CLYBL: variants seen among roughly 807,000 people sequenced by gnomAD.
The protein encoded by CLYBL is citramalyl-CoA lyase.
Under a neutral mutation model 38.9 loss-of-function variants are expected in CLYBL, and 31 were observed. The ratio of observed to expected loss-of-function variants is 0.80; its 90% CI spans 0.60 to 1.08. CLYBL has a LOEUF of 1.08. Ranked by LOEUF, CLYBL falls within the 50% of genes least tolerant of loss-of-function variation. CLYBL has a pLI of 0.00. For missense variants in CLYBL, 434 were observed against 411.6 expected, an observed-to-expected ratio of 1.05 and a Z score of -0.47; for synonymous variants, 171 against 158.6, an observed-to-expected ratio of 1.08 and a Z score of -0.59.
chr13:99,754,416 C>CAA (rs1172376194), intron 1 of CLYBL, among the ~76,000 whole-genome samples: 44 of 71,712 alleles, frequency 6.1e-4, no homozygotes, highest in East Asian at 7.9e-4. Flanking sequence ...GACCCTGTCT[C>CAA]AAAAAAAAAA....
At chr13:99,611,143 A>G (rs1054378451) in intron 1 of CLYBL, among the ~76,000 whole-genome samples, 2 of 152,190 alleles carry the variant, frequency 1.3e-5, no homozygotes, top group Non-Finnish European at 2.9e-5. Context: ...AGGGTAAACT[A>G]AACCCCCACG....
chr13:99,613,257 G>GA (rs1487784519), intron 1 of CLYBL, among the ~76,000 whole-genome samples: 1 of 152,126 alleles, frequency 6.6e-6, no homozygotes, highest in Non-Finnish European at 1.5e-5. Flanking sequence ...AATGTGCCAG[G>GA]AAGGTACTTC....
intron 2 of CLYBL, among the ~76,000 whole-genome samples, chr13:99,783,291 C>G (rs1239602995): frequency 6.6e-6 from 1 of 152,040 alleles, no homozygotes; most frequent in Non-Finnish European, 1.5e-5. Flanking sequence ...GATCCACTTG[C>G]CTCGGCCTCC....
At chr13:99,821,090 T>C (rs1026841073) in intron 2 of CLYBL, among the ~76,000 whole-genome samples, 1 of 152,248 alleles carries the variant, frequency 6.6e-6, no homozygotes, top group East Asian at 1.9e-4. Flanking sequence ...TAGAAACTGC[T>C]TGGTGGAAGC....
chr13:99,782,440 G>C (rs1331689441), intron 2 of CLYBL, among the ~76,000 whole-genome samples: 1 of 152,124 alleles, frequency 6.6e-6, no homozygotes, highest in Non-Finnish European at 1.5e-5. Context: ...CAGAGGTGGA[G>C]GTTGCTGCGA....
At chr13:99,690,383 GTA>G (rs2047882332) in intron 1 of CLYBL, 2 of 152,148 alleles carry the variant, frequency 1.3e-5, no homozygotes, top group Admixed American at 1.3e-4. Context: ...AGATTTTGGT[GTA>G]TGTTTTTCCT....
rs544029575 is a variant in CLYBL at position 99,903,712 on chromosome 13, G to A, written c.*25-1558G>A. Among the ~76,000 whole-genome samples the A allele has an allele frequency of 1.5e-3, 221 of 152,260 alleles. 1 individual carries two copies. The highest frequency in any genetic ancestry group is 2.8e-3 in the Non-Finnish European group (188 of 68,014). ...AAATACTCCGTGAGGTTCGCGTCCCGTATGAAGCAAGTTTAATTTGTGGAC... is the reference window on the plus strand; with the variant it reads ...AAATACTCCGTGAGGTTCGCGTCCCATATGAAGCAAGTTTAATTTGTGGAC... On this transcript the variant is annotated intron_variant and NMD_transcript_variant, in intron 8 of 9. Transcript: ENST00000689673.
chr13:99,756,039 A>T (rs147737906), intron 1 of CLYBL, among the ~76,000 whole-genome samples: 1 of 152,208 alleles, frequency 6.6e-6, no homozygotes, highest in African/African-American at 2.4e-5. Flanking sequence ...CACGTTTATT[A>T]TCTCACTGTG....
chr13:99,680,584 C>G (rs2047720718), intron 1 of CLYBL, among the ~76,000 whole-genome samples: 1 of 152,218 alleles, frequency 6.6e-6, no homozygotes, highest in Non-Finnish European at 1.5e-5. Context: ...TTTGTCATCA[C>G]TAGTCGAAAA....
At chr13:99,814,369 A>T (rs1255124667) in intron 2 of CLYBL, among the ~76,000 whole-genome samples, 1 of 152,188 alleles carries the variant, frequency 6.6e-6, no homozygotes, top group African/African-American at 2.4e-5. Flanking sequence ...AGGGCATGGG[A>T]ACTTAACCTC....
intron 1 of CLYBL, among the ~76,000 whole-genome samples, chr13:99,648,971 A>G (rs1181861518): frequency 1.3e-5 from 2 of 152,050 alleles, no homozygotes; most frequent in East Asian, 3.8e-4. Flanking sequence ...AAAAAACTTA[A>G]TAATTACAGG....
At position 99,860,058 on chromosome 13, in the gene CLYBL, G is replaced by A. The variant is rs563444532; in HGVS notation, c.438+1009G>A. On this transcript the variant is annotated intron_variant, in intron 3 of 8. Coordinates refer to ENST00000339105, the MANE Select transcript of CLYBL (RefSeq NM_206808.5). ...AATGCACCCGATGTGTGAGGTCTGC[G>A]TTGCCCAGTGCCACGGCCACTATGA... 1.8e-4 allele frequency among the ~76,000 whole-genome samples: 28 copies of A among 152,224 alleles called. 1 individual carries two copies. The South Asian group carries it at 3.5e-3, about 19-fold the overall frequency.
intron 1 of CLYBL, among the ~76,000 whole-genome samples, chr13:99,758,750 C>T (rs1047546759): frequency 3.9e-5 from 6 of 152,346 alleles, no homozygotes; most frequent in East Asian, 1.9e-4. Flanking sequence ...CCTCCTTATA[C>T]GTTTCTTCTT....
intron 2 of CLYBL, among the ~76,000 whole-genome samples, chr13:99,840,512 C>T (rs2051045285): frequency 6.6e-6 from 1 of 151,908 alleles, no homozygotes; most frequent in Admixed American, 6.6e-5. Context: ...AATCCCAGCA[C>T]TTTGGGAGGT....
At chr13:99,777,480 CCTTTT>C (rs1173943804) in intron 2 of CLYBL, among the ~76,000 whole-genome samples, 73 of 144,212 alleles carry the variant, frequency 5.1e-4, no homozygotes, top group African/African-American at 1.5e-3. Flanking sequence ...TTTCTTTCTT[CCTTTT>C]CTTTTCTTTT....
intron 2 of CLYBL, among the ~76,000 whole-genome samples, chr13:99,854,151 T>C (rs2051399261): frequency 6.6e-6 from 1 of 152,174 alleles, no homozygotes; most frequent in African/African-American, 2.4e-5. Context: ...TACCAAATCT[T>C]GGGTCGCACA....
At chr13:99,725,702 A>T (rs1007225099) in intron 1 of CLYBL, among the ~76,000 whole-genome samples, 1 of 152,152 alleles carries the variant, frequency 6.6e-6, no homozygotes. Context: ...ATTTATTGTA[A>T]ATGCAAGGTC....
chr13:99,858,637 C>T (rs568044473), intron 2 of CLYBL, among the ~76,000 whole-genome samples: 21 of 152,310 alleles, frequency 1.4e-4, no homozygotes, highest in Admixed American at 3.9e-4. Flanking sequence ...CACTGCGGTG[C>T]GTCTCGGCTA....
intron 7 of CLYBL, among the ~76,000 whole-genome samples, chr13:99,872,059 G>A (rs2051918173): frequency 6.6e-6 from 1 of 151,312 alleles, no homozygotes; most frequent in Non-Finnish European, 1.5e-5. Flanking sequence ...ACATCCATGT[G>A]AGACATGTCC....
Sources: gnomAD v4.1 joint callset for allele counts (sites outside exome capture counted in the v4.1 genomes callset) on GRCh38, gnomAD v4.1.1 for gene constraint, MANE v1.5 for transcripts, NCBI Gene and HGNC (gene_info 2026-07-23, HGNC 2026-07-21) for gene names.